The following PCDH15 variants were observed in gnomAD, a reference collection of about 807,000 sequenced individuals.
The protein encoded by PCDH15 is protocadherin related 15, also known as protocadherin-15.
Under a neutral mutation model 178.5 loss-of-function variants are expected in PCDH15, and 129 were observed. The ratio of observed to expected loss-of-function variants is 0.72; its 90% confidence interval spans 0.63 to 0.84. The LOEUF is 0.84. Ranked by LOEUF, PCDH15 falls within the 40% of genes least tolerant of loss-of-function variation. The pLI, the probability that PCDH15 is intolerant of heterozygous loss-of-function variation, is 0.00. For synonymous variants in PCDH15, 800 were observed against 732.0 expected, an observed-to-expected ratio of 1.09 and a Z score of -1.50; for missense variants, 2,230 against 2,099.9, an observed-to-expected ratio of 1.06 and a Z score of -1.21.
chr10:55,159,388 T>TATATACAC (rs1465817928), intron 2 of PCDH15, among the ~76,000 whole-genome samples: 2,540 of 19,252 alleles, frequency 0.13, 46 homozygotes, highest in African/African-American at 0.15. Flanking sequence ...TATATATATA[T>TATATACAC]ACACACATAC....
At chr10:55,328,941 TATATATATAA>T (rs1381435690) in intron 2 of PCDH15, among the ~76,000 whole-genome samples, 1 of 113,476 alleles carries the variant, frequency 8.8e-6, no homozygotes, top group African/African-American at 2.9e-5. Context: ...TATATATATA[TATATATATAA>T]AATATATAAT....
chr10:55,328,044 A>G (rs1276070637), intron 2 of PCDH15, among the ~76,000 whole-genome samples: 1 of 151,974 alleles, frequency 6.6e-6, no homozygotes, highest in East Asian at 1.9e-4. Flanking sequence ...TATGAAATAC[A>G]TTGCTTGGGG....
chr10:54,760,810 C>A (rs1292882493), intron 1 of PCDH15, among the ~76,000 whole-genome samples: 1 of 152,062 alleles, frequency 6.6e-6, no homozygotes, highest in African/African-American at 2.4e-5. Context: ...TTATCTTTCC[C>A]AGACATAATG....
chr10:54,770,274 A>G (rs965496711), intron 1 of PCDH15, among the ~76,000 whole-genome samples: 2 of 152,106 alleles, frequency 1.3e-5, no homozygotes, highest in Non-Finnish European at 2.9e-5. Context: ...TATTACATTC[A>G]TCTTTCACTC....
chr10:54,027,243 G>A (rs2093130858), intron 18 of PCDH15, among the ~76,000 whole-genome samples: 1 of 148,658 alleles, frequency 6.7e-6, no homozygotes, highest in Non-Finnish European at 1.5e-5. Flanking sequence ...GGGATGTGAA[G>A]GACCTCTTCA....
chr10:54,527,600 T>A (rs1313458256), intron 3 of PCDH15, among the ~76,000 whole-genome samples: 2 of 152,096 alleles, frequency 1.3e-5, no homozygotes, highest in African/African-American at 4.8e-5. Context: ...AACTAAATAT[T>A]TATATTAATT....
chr10:53,984,173 A>C (rs1222147600), intron 21 of PCDH15, among the ~76,000 whole-genome samples: 1 of 103,944 alleles, frequency 9.6e-6, no homozygotes, highest in African/African-American at 4.4e-5. Context: ...TTTTTGAGGC[A>C]GAGTCTTGCT....
chr10:53,937,189 A>G (rs950148944), intron 25 of PCDH15, among the ~76,000 whole-genome samples: 1 of 152,190 alleles, frequency 6.6e-6, no homozygotes, highest in African/African-American at 2.4e-5. Flanking sequence ...AAATTAAAGT[A>G]ATGGGAGCTA....
chr10:54,634,771 G>C (rs1337905027), intron 2 of PCDH15, among the ~76,000 whole-genome samples: 1 of 151,942 alleles, frequency 6.6e-6, no homozygotes, highest in Non-Finnish European at 1.5e-5. Context: ...TTTAACCTCA[G>C]ATAAATAAAA....
At chr10:54,166,182 T>A (rs2046207238) in intron 13 of PCDH15, among the ~76,000 whole-genome samples, 1 of 152,268 alleles carries the variant, frequency 6.6e-6, no homozygotes, top group African/African-American at 2.4e-5. Context: ...CACTTGCCTA[T>A]CTGAGTACTC....
intron 25 of PCDH15, among the ~76,000 whole-genome samples, chr10:53,936,615 G>A (rs2085597081): frequency 6.6e-6 from 1 of 152,010 alleles, no homozygotes; most frequent in Admixed American, 6.6e-5. Context: ...TATTCCTAGT[G>A]TTAAACTTAT....
chr10:53,959,882 G>C, intron 22 of PCDH15, 38 bp from the exon 23 acceptor site: 1 of 1,506,242 alleles, frequency 6.6e-7, no homozygotes, highest in Non-Finnish European at 9.2e-7. Flanking sequence ...AAGATTATAA[G>C]TAAGAACAGC....
intron 3 of PCDH15, among the ~76,000 whole-genome samples, chr10:54,406,668 C>A (rs975750873): frequency 5.3e-5 from 8 of 152,062 alleles, no homozygotes; most frequent in African/African-American, 1.4e-4. Context: ...TCAGGAAAAA[C>A]CTTTGTAACA....
At chr10:53,968,771 A>G (rs1196471759) in intron 21 of PCDH15, among the ~76,000 whole-genome samples, 3 of 152,224 alleles carry the variant, frequency 2.0e-5, no homozygotes, top group African/African-American at 7.2e-5. Flanking sequence ...CAACTCCAAC[A>G]GTCCAGCAGC....
intron 1 of PCDH15, among the ~76,000 whole-genome samples, chr10:54,714,271 C>T (rs1399018939): frequency 6.6e-6 from 1 of 152,090 alleles, no homozygotes; most frequent in East Asian, 1.9e-4. Flanking sequence ...CTCTAAACAG[C>T]TCCACCAGTC....
chr10:55,238,452 A>G (rs1841453312), intron 1 of PCDH15, among the ~76,000 whole-genome samples: 1 of 152,154 alleles, frequency 6.6e-6, no homozygotes, highest in South Asian at 2.1e-4. Context: ...GCCCGGCCGC[A>G]TTCATATTTT....
intron 1 of PCDH15, among the ~76,000 whole-genome samples, chr10:54,772,781 A>G (rs1949244036): frequency 6.6e-6 from 1 of 152,162 alleles, no homozygotes; most frequent in South Asian, 2.1e-4. Flanking sequence ...ACCCAAAGGA[A>G]TATAAATCAT....
At chr10:55,298,248 A>G (rs887398747) in intron 1 of PCDH15, among the ~76,000 whole-genome samples, 2 of 152,238 alleles carry the variant, frequency 1.3e-5, no homozygotes, top group Non-Finnish European at 2.9e-5. Flanking sequence ...AATATACTTC[A>G]AACAGAAAAA....
At chr10:55,497,063 G>GAATTTAAATAAAATATTAAATGGAAAA (rs1840550733) in intron 2 of PCDH15, among the ~76,000 whole-genome samples, 11 of 151,706 alleles carry the variant, frequency 7.3e-5, no homozygotes, top group Admixed American at 7.2e-4. Context: ...TAGAACAAAT[G>GAATTTAAATAAAATATTAAATGGAAAA]AATTTAAATA....
Sources: gnomAD v4.1 joint callset for allele counts (sites outside exome capture counted in the v4.1 genomes callset) on GRCh38, gnomAD v4.1.1 for gene constraint, MANE v1.5 for transcripts, NCBI Gene and HGNC (gene_info 2026-07-23, HGNC 2026-07-21) for gene names.